Variants in LSAMP observed in about 807,000 individuals in gnomAD.
The protein encoded by LSAMP is limbic system associated membrane protein.
A neutral mutation model predicts 38.6 loss-of-function variants in LSAMP; 7 were observed. That is an observed-to-expected ratio of 0.18 (90% CI 0.10 to 0.34). The LOEUF (loss-of-function observed/expected upper bound fraction) is 0.34, where lower values mean the gene tolerates loss of function less well. Ranked by LOEUF, LSAMP falls within the 10% of genes least tolerant of loss-of-function variation. The pLI is 1.00. For synonymous variants in LSAMP, 154 were observed against 166.8 expected, an observed-to-expected ratio of 0.92 and a Z score of 0.59; for missense variants, 313 against 420.0, an observed-to-expected ratio of 0.75 and a Z score of 2.23.
At chr3:115,871,682 T>G (rs1012570216) in intron 3 of LSAMP, among the ~76,000 whole-genome samples, 1 of 151,718 alleles carries the variant, frequency 6.6e-6, no homozygotes, top group Non-Finnish European at 1.5e-5. Flanking sequence ...AACCTCCTAC[T>G]CGTTGACATT....
At chr3:115,828,558 C>G (rs1490976962) in intron 6 of LSAMP, among the ~76,000 whole-genome samples, 2 of 152,168 alleles carry the variant, frequency 1.3e-5, no homozygotes, top group African/African-American at 4.8e-5. Context: ...ACTCTAAAGA[C>G]CAGAGGAGCC....
chr3:116,207,311 T>A (rs368410150), intron 1 of LSAMP, among the ~76,000 whole-genome samples: 3 of 152,224 alleles, frequency 2.0e-5, no homozygotes, highest in East Asian at 3.9e-4. Flanking sequence ...TGCACATGAG[T>A]TGGGTTTCCT....
intron 1 of LSAMP, among the ~76,000 whole-genome samples, chr3:116,210,804 A>G (rs1299746850): frequency 6.6e-6 from 1 of 152,188 alleles, no homozygotes; most frequent in Non-Finnish European, 1.5e-5. Context: ...ATAACAATGA[A>G]AAGTCAGAGA....
At chr3:116,078,378 G>A (rs532928034) in intron 2 of LSAMP, among the ~76,000 whole-genome samples, 4 of 151,210 alleles carry the variant, frequency 2.6e-5, no homozygotes, top group East Asian at 1.9e-4. Flanking sequence ...AGGCTGGAGC[G>A]CAGTGGCCTG....
chr3:116,095,713 A>AT (rs1708212638), intron 1 of LSAMP, among the ~76,000 whole-genome samples: 1 of 152,222 alleles, frequency 6.6e-6, no homozygotes, highest in South Asian at 2.1e-4. Context: ...GTTAGAGTCA[A>AT]TCCCAGGAAC....
At chr3:116,021,076 C>T (rs553489869) in intron 2 of LSAMP, among the ~76,000 whole-genome samples, 2 of 152,196 alleles carry the variant, frequency 1.3e-5, no homozygotes, top group Admixed American at 6.5e-5. Context: ...GATGAGGACC[C>T]TCTCCACCTC....
intron 1 of LSAMP, among the ~76,000 whole-genome samples, chr3:116,359,054 A>G (rs1300223587): frequency 2.0e-5 from 3 of 152,016 alleles, no homozygotes; most frequent in Non-Finnish European, 2.9e-5. Context: ...TACGAAAGAA[A>G]AGTTTTCTTG....
At chr3:115,958,274 T>C (rs1331137041) in intron 3 of LSAMP, among the ~76,000 whole-genome samples, 2 of 152,102 alleles carry the variant, frequency 1.3e-5, no homozygotes, top group African/African-American at 4.8e-5. Context: ...GGAAAATGTC[T>C]ATCTATAATT....
chr3:116,136,161 A>G (rs541333742), intron 1 of LSAMP, among the ~76,000 whole-genome samples: 2 of 152,318 alleles, frequency 1.3e-5, no homozygotes, highest in African/African-American at 4.8e-5. Context: ...TACCTAATAT[A>G]TCAATAATTG....
intron 2 of LSAMP, among the ~76,000 whole-genome samples, chr3:116,057,772 C>T (rs1170611267): frequency 6.6e-6 from 1 of 152,082 alleles, no homozygotes; most frequent in Non-Finnish European, 1.5e-5. Flanking sequence ...TGAAATTAAA[C>T]ACCCTTGTGT....
At chr3:116,044,437 A>T (rs1029309889) in intron 2 of LSAMP, among the ~76,000 whole-genome samples, 2 of 152,092 alleles carry the variant, frequency 1.3e-5, no homozygotes, top group African/African-American at 2.4e-5. Flanking sequence ...CGTCTCTGCA[A>T]GGGACTCTGG....
At chr3:116,190,088 GACACACACACACACACACACACAC>G in intron 1 of LSAMP, among the ~76,000 whole-genome samples, 1 of 142,804 alleles carries the variant, frequency 7.0e-6, no homozygotes, top group South Asian at 2.2e-4. Flanking sequence ...TCCAGTAGTA[GACACACACACACACACACACACAC>G]ACACACACAC....
At chr3:116,100,212 G>A (rs1292841110) in intron 1 of LSAMP, among the ~76,000 whole-genome samples, 2 of 151,916 alleles carry the variant, frequency 1.3e-5, no homozygotes, top group Non-Finnish European at 2.9e-5. Flanking sequence ...CTCCTGAGTA[G>A]CTGGGAATAC....
intron 2 of LSAMP, among the ~76,000 whole-genome samples, chr3:116,041,822 A>G (rs1443407160): frequency 2.0e-5 from 3 of 151,836 alleles, no homozygotes; most frequent in Non-Finnish European, 4.4e-5. Context: ...AAAACAAAAA[A>G]AAAACACCTT....
chr3:115,826,079 C>G (rs951981334), intron 6 of LSAMP, among the ~76,000 whole-genome samples: 1 of 150,670 alleles, frequency 6.6e-6, no homozygotes, highest in Non-Finnish European at 1.5e-5. Context: ...CGTTCTCTTC[C>G]CCTGCTTCTT....
intron 3 of LSAMP, among the ~76,000 whole-genome samples, chr3:115,989,478 CT>C (rs1448383060): frequency 6.6e-6 from 1 of 151,990 alleles, no homozygotes; most frequent in East Asian, 1.9e-4. Flanking sequence ...ACAATAAAGG[CT>C]TCTTTTTTTA....
At chr3:116,180,384 T>G (rs1465719300) in intron 1 of LSAMP, among the ~76,000 whole-genome samples, 1 of 152,152 alleles carries the variant, frequency 6.6e-6, no homozygotes, top group African/African-American at 2.4e-5. Context: ...GATTTTTTTT[T>G]TTTTATCATT....
At chr3:116,164,761 T>TATCCATATATATATATATATATATATA (rs754064532) in intron 1 of LSAMP, among the ~76,000 whole-genome samples, 3 of 41,130 alleles carry the variant, frequency 7.3e-5, no homozygotes, top group African/African-American at 2.3e-4. Context: ...TATATATATA[T>TATCCATATATATATATATATATATATA]TTTTTTTTTT....
At chr3:116,411,320 T>C (rs58169948) in intron 1 of LSAMP, among the ~76,000 whole-genome samples, 2,429 of 152,066 alleles carry the variant, frequency 0.016, 73 homozygotes, top group African/African-American at 0.056. Context: ...TAAAGACACA[T>C]GCACACGTAT....
Sources: allele counts gnomAD v4.1 joint callset (sites outside exome capture counted in the v4.1 genomes callset), GRCh38; gene constraint gnomAD v4.1.1; transcripts MANE v1.5; gene names NCBI Gene and HGNC (gene_info 2026-07-23, HGNC 2026-07-21).